CLIP2: variants seen among roughly 807,000 people sequenced by gnomAD.
The protein encoded by CLIP2 is CAP-Gly domain-containing linker protein 2.
Under a neutral mutation model 111.7 loss-of-function variants are expected in CLIP2, and 41 were observed. The observed-to-expected ratio is 0.37, with a 90% CI of 0.29 to 0.48. The LOEUF (loss-of-function observed/expected upper bound fraction) is 0.48, where lower values mean the gene tolerates loss of function less well. Ranked by LOEUF, CLIP2 falls within the 20% of genes least tolerant of loss-of-function variation. CLIP2 has a pLI of 0.99. For synonymous variants in CLIP2, 660 were observed against 644.2 expected (o/e 1.02, Z -0.37); for missense variants, 1,160 against 1,422.1 (o/e 0.82, Z 2.96).
intron 2 of CLIP2, among the ~76,000 whole-genome samples, chr7:74,328,973 T>C (rs2522946): frequency 0.63 from 94,241 of 150,082 alleles, 31,007 homozygotes; most frequent in Middle Eastern, 0.74. Context: ...AGTGCAGTGG[T>C]GCGATCTCAG....
chr7:74,346,743 C>CAAAAAAAAAAAAAAA (rs57677326), intron 3 of CLIP2, among the ~76,000 whole-genome samples: 1 of 48,604 alleles, frequency 2.1e-5, no homozygotes, highest in Non-Finnish European at 6.2e-5. Flanking sequence ...AAAAAAAAAA[C>CAAAAAAAAAAAAAAA]AAAACACTGG....
chr7:74,312,017 A>T (rs1554728596), intron 1 of CLIP2, among the ~76,000 whole-genome samples: 1 of 151,992 alleles, frequency 6.6e-6, no homozygotes, highest in East Asian at 1.9e-4. Flanking sequence ...AGGCTGAGGC[A>T]GGTGGATCAT....
intron 11 of CLIP2, among the ~76,000 whole-genome samples, chr7:74,381,886 A>G (rs1790954360): frequency 6.6e-6 from 1 of 152,158 alleles, no homozygotes; most frequent in Non-Finnish European, 1.5e-5. Context: ...TACAAACACC[A>G]CTGTAGAAAA....
Position 74,310,036 on chromosome 7 carries a change from C to CAAA in CLIP2, c.-67-7404_-67-7402dup, listed in dbSNP as rs71094774. ...GCAATATGGCAAGACCCTGTCTCTACAAAAAAAAAAAAAAAAAAAAAAAAA... is the reference window on the plus strand; with the variant it reads ...GCAATATGGCAAGACCCTGTCTCTACAAAAAAAAAAAAAAAAAAAAAAAAAAAA... On this transcript the variant is annotated intron_variant, in intron 1 of 16. Transcript: ENST00000223398. Among the ~76,000 whole-genome samples the CAAA allele has an allele frequency of 2.3e-3, 215 of 92,450 alleles. 18 individuals carry two copies. The highest frequency in any genetic ancestry group is 2.7e-3 in the Non-Finnish European group (141 of 52,592). The allele number at this position is 92,450 out of a possible 152,430, so 60.7% of individuals were successfully genotyped here. A position where few individuals can be genotyped will look rare whatever the true frequency, so the allele number is the denominator to read the frequency against.
chr7:74,320,157 C>G (rs1256980128), intron 2 of CLIP2, among the ~76,000 whole-genome samples: 3 of 138,990 alleles, frequency 2.2e-5, no homozygotes, highest in African/African-American at 8.2e-5. Flanking sequence ...GATTGCGCCA[C>G]TGCACTCCAG....
In CLIP2 at chr7:74,376,710, A is replaced by G. The variant is rs562482648; in HGVS notation, c.2309A>G (p.Gln770Arg). The G allele has an allele frequency of 7.4e-6, 12 of 1,613,132 alleles. No individual in the cohort carries two copies. Among genetic ancestry groups the G allele is most frequent in the East Asian group, 6.7e-5 (3 of 44,864 alleles). ...AAGATGTTGGACTACGAGCGGCTGC[A>G]GCGGGCAGAAGCCCAGGGCAAACAG... ...EKKMLDYERL[Q>R]RAEAQGKQEV... Residue 770 changes from glutamine (Q) to arginine (R), a missense_variant, in exon 10 of 17, where the codon CAG (glutamine) becomes CGG (arginine). Physicochemically the swap from Gln to Arg is conservative, Grantham distance 43. Transcript: ENST00000223398. This position sits in a 1 kb window ranked among gnomAD's most constrained non-coding sequence, Gnocchi z 7.1.
intron 1 of CLIP2, among the ~76,000 whole-genome samples, chr7:74,316,852 G>A (rs1788789436): frequency 6.6e-6 from 1 of 151,894 alleles, no homozygotes; most frequent in Non-Finnish European, 1.5e-5. Context: ...ATCAGCCACT[G>A]CACCTGGCCC....
Position 74,362,886 on chromosome 7 carries a change from C to T in CLIP2, c.1320-1369C>T, listed in dbSNP as rs539476457. The stretch of plus-strand genomic sequence containing the variant: ...GTTCAGAAGGGGCCTGGGTGCAAGT[C>T]TCTGCATTGTCCTGTGCTTGCTGTG... On this transcript the variant is annotated intron_variant, in intron 7 of 16. Coordinates refer to ENST00000223398, the MANE Select transcript of CLIP2 (RefSeq NM_003388.5). Among the ~76,000 whole-genome samples the T allele has an allele frequency of 4.6e-5, 7 of 152,228 alleles. No individual in the cohort carries two copies. The South Asian group carries it at 1.5e-3, about 32-fold the overall frequency.
chr7:74,386,677 A>C, intron 12 of CLIP2, 73 bp downstream of exon 12: 1 of 1,240,234 alleles, frequency 8.1e-7, no homozygotes. Flanking sequence ...CCAATTAAGC[A>C]TGGAGTGGGT....
At chr7:74,394,252 T>TA (rs1443606821) in intron 13 of CLIP2, among the ~76,000 whole-genome samples, 270 of 146,222 alleles carry the variant, frequency 1.8e-3, no homozygotes, top group African/African-American at 6.3e-3. Flanking sequence ...CTTATTTTTT[T>TA]TTTTTTTTTT....
chr7:74,330,075 G>A (rs1298295018), intron 2 of CLIP2, among the ~76,000 whole-genome samples: 7 of 150,906 alleles, frequency 4.6e-5, no homozygotes, highest in South Asian at 2.1e-4. Context: ...CACTGCATCC[G>A]GCTATTTTTT....
intron 1 of CLIP2, among the ~76,000 whole-genome samples, chr7:74,293,472 C>T (rs1228683392): frequency 6.6e-6 from 1 of 152,130 alleles, no homozygotes; most frequent in Non-Finnish European, 1.5e-5. Flanking sequence ...GTGGGGGTCT[C>T]CTTCATCTTG....
intron 16 of CLIP2, among the ~76,000 whole-genome samples, chr7:74,403,623 T>G (rs1400454379): frequency 2.0e-5 from 3 of 152,096 alleles, no homozygotes; most frequent in Non-Finnish European, 4.4e-5. Context: ...TCGGCTCCGC[T>G]TCCCATCAGC....
intron 1 of CLIP2, among the ~76,000 whole-genome samples, chr7:74,296,481 G>A (rs571961405): frequency 1.3e-5 from 2 of 150,214 alleles, no homozygotes; most frequent in Non-Finnish European, 3.0e-5. Context: ...CCACACTCCA[G>A]CCTGAGCAAC....
intron 13 of CLIP2, 119 bp from the exon 14 acceptor site, chr7:74,396,955 C>G: frequency 7.8e-7 from 1 of 1,282,438 alleles, no homozygotes; most frequent in South Asian, 1.4e-5. Flanking sequence ...CAGATGCCAT[C>G]TAGTAGCCCA....
chr7:74,402,859 C>T (rs1791659473), intron 16 of CLIP2, among the ~76,000 whole-genome samples: 1 of 151,720 alleles, frequency 6.6e-6, no homozygotes, highest in South Asian at 2.1e-4. Flanking sequence ...TGATTTTGTC[C>T]TCCTGGCCTT....
At chr7:74,296,495 G>A (rs896809897) in intron 1 of CLIP2, among the ~76,000 whole-genome samples, 1 of 149,264 alleles carries the variant, frequency 6.7e-6, no homozygotes, top group Non-Finnish European at 1.5e-5. Flanking sequence ...GAGCAACAGA[G>A]CGACACTAAG....
chr7:74,368,697 C>T (rs969571304), intron 8 of CLIP2, among the ~76,000 whole-genome samples: 1 of 152,098 alleles, frequency 6.6e-6, no homozygotes, highest in Non-Finnish European at 1.5e-5. Context: ...CTCCAAAGTC[C>T]ATTCTCCACA....
At position 74,375,946 on chromosome 7, in the gene CLIP2, C is replaced by G; in HGVS notation, c.1545C>G (p.Arg515=). ...AGCTGGAGGAGGAGCTCACCCTGCG[C>G]CGAGGTGAAATCGAGGAGCTCCAGC... The part of the protein sequence containing the change: ...VLQLEEELTL[R]RGEIEELQQC... Residue 515 remains arginine, a synonymous_variant, in exon 10 of 17, where the codon CGC becomes CGG. Transcript: ENST00000223398. 1 of 1,603,270 alleles carries G rather than the reference C, an allele frequency of 6.2e-7. No individual in the cohort carries two copies. Among genetic ancestry groups the G allele is most frequent in the Non-Finnish European group, 8.5e-7 (1 of 1,175,982 alleles).
Sources: gnomAD v4.1 joint callset for allele counts (sites outside exome capture counted in the v4.1 genomes callset) on GRCh38, gnomAD v4.1.1 for gene constraint, Gnocchi (gnomAD v3.1) non-coding constraint, MANE v1.5 for transcripts, NCBI Gene and HGNC (gene_info 2026-07-23, HGNC 2026-07-21) for gene names.